The following PCCA variants were observed in gnomAD, a reference collection of about 807,000 sequenced individuals.
The protein encoded by PCCA is propionyl-CoA carboxylase alpha chain, mitochondrial.
Under a neutral mutation model 101.3 loss-of-function variants are expected in PCCA, and 74 were observed. That is an observed-to-expected ratio of 0.73 (90% CI 0.61 to 0.89). The LOEUF (loss-of-function observed/expected upper bound fraction) is 0.89, where lower values mean the gene tolerates loss of function less well. Among genes scored for constraint, PCCA ranks in the 40% least tolerant of loss-of-function variants. PCCA has a pLI of 0.00. For missense variants in PCCA, 891 were observed against 907.0 expected (o/e 0.98, Z 0.23); for synonymous variants, 294 against 313.6 (o/e 0.94, Z 0.66).
chr13:100,392,729 T>C (rs1018426938), intron 19 of PCCA, among the ~76,000 whole-genome samples: 16 of 152,344 alleles, frequency 1.1e-4, no homozygotes, highest in African/African-American at 3.8e-4. Context: ...AGTTACCATG[T>C]TTCCATTGTG....
intron 19 of PCCA, among the ~76,000 whole-genome samples, chr13:100,416,948 A>G (rs979594642): frequency 5.3e-5 from 8 of 151,558 alleles, no homozygotes; most frequent in African/African-American, 2.4e-5. Flanking sequence ...GGTTCAAGCA[A>G]TTCTCCTGCT....
chr13:100,449,054 T>C (rs1380847167), intron 20 of PCCA, among the ~76,000 whole-genome samples, 198 bp from the exon 21 acceptor site: 1 of 152,268 alleles, frequency 6.6e-6, no homozygotes, highest in Non-Finnish European at 1.5e-5. Flanking sequence ...GCATGATCCT[T>C]GGTGACCAAC....
At chr13:100,293,979 G>C (rs886366370) in intron 12 of PCCA, among the ~76,000 whole-genome samples, 1 of 152,102 alleles carries the variant, frequency 6.6e-6, no homozygotes, top group Admixed American at 6.6e-5. Flanking sequence ...GTATTAGTTT[G>C]CTAGGGCTGC....
intron 19 of PCCA, among the ~76,000 whole-genome samples, chr13:100,369,349 G>C (rs879622285): frequency 5.1e-4 from 78 of 152,250 alleles, no homozygotes; most frequent in Non-Finnish European, 7.4e-4. Flanking sequence ...ATTTTTATCA[G>C]AATATTGAAA....
chr13:100,147,227 G>A (rs537579178), intron 4 of PCCA, among the ~76,000 whole-genome samples: 1 of 152,260 alleles, frequency 6.6e-6, no homozygotes, highest in South Asian at 2.1e-4. Flanking sequence ...AACGGGGCAG[G>A]GAATAATGGT....
At position 100,116,855 on chromosome 13, in the gene PCCA, G is replaced by T. The variant is rs904965983; in HGVS notation, c.300+4794G>T. 8.8e-5 allele frequency among the ~76,000 whole-genome samples: 4 copies of T among 45,542 alleles called. No homozygotes were observed. The East Asian group carries it at 8.4e-3, about 96-fold the overall frequency. 29.9% of individuals were successfully genotyped at this position (45,542 alleles called of 152,430 possible). A position where few individuals can be genotyped will look rare whatever the true frequency, so the allele number is the denominator to read the frequency against. On this transcript the variant is annotated intron_variant, in intron 4 of 23. Coordinates refer to ENST00000376285, the MANE Select transcript of PCCA (RefSeq NM_000282.4). ...GTCGCTGTTACATATGCTTCTTTTT[G>T]TTTTGTTTTGTTTTGTTTTAACAAC...
chr13:100,234,913 A>C (rs993981935), intron 7 of PCCA, among the ~76,000 whole-genome samples: 26 of 150,292 alleles, frequency 1.7e-4, no homozygotes, highest in East Asian at 3.9e-4. Context: ...ACACACACAC[A>C]CCCCACACAT....
rs965293674 is a variant in PCCA, at chr13:100,111,178, C to CTTTT, written c.184-640_184-637dup. Among the ~76,000 whole-genome samples, 845 of 98,460 alleles carry CTTTT rather than the reference C, an allele frequency of 8.6e-3. 54 individuals are homozygous for CTTTT. The highest frequency in any genetic ancestry group is 0.014 in the African/African-American group (326 of 23,496). The allele number at this position is 98,460 out of a possible 152,430, so 64.6% of individuals were successfully genotyped here. A position where few individuals can be genotyped will look rare whatever the true frequency, so the allele number is the denominator to read the frequency against. ...AGGCGCGTACCACTAGACCCAGCTC[C>CTTTT]TTTTTTTTTTTTTTTTTTTTTTTTT... On this transcript the variant is annotated intron_variant, in intron 2 of 23. Coordinates refer to ENST00000376285, the MANE Select transcript of PCCA (RefSeq NM_000282.4).
At chr13:100,136,104 GT>G (rs2051128912) in intron 4 of PCCA, among the ~76,000 whole-genome samples, 1 of 150,212 alleles carries the variant, frequency 6.7e-6, no homozygotes, top group African/African-American at 2.4e-5. Context: ...TTTGTGTACT[GT>G]CTTTGGTATT....
At chr13:100,423,007 T>C (rs1290075377) in intron 19 of PCCA, among the ~76,000 whole-genome samples, 1 of 136,920 alleles carries the variant, frequency 7.3e-6, no homozygotes, top group Non-Finnish European at 1.5e-5. Flanking sequence ...TTTCTCTGAG[T>C]TTTTTTTTTT....
chr13:100,391,023 C>CT (rs796230963), intron 19 of PCCA, among the ~76,000 whole-genome samples: 4,320 of 144,520 alleles, frequency 0.03, 181 homozygotes, highest in African/African-American at 0.1. Flanking sequence ...GGCCTCTGTG[C>CT]TTTTTTTTTT....
At chr13:100,115,898 A>C (rs9585350) in intron 4 of PCCA, among the ~76,000 whole-genome samples, 5,457 of 152,240 alleles carry the variant, frequency 0.036, 327 homozygotes, top group African/African-American at 0.13. Flanking sequence ...GCAATTGCAC[A>C]CTCAGTCAAA....
intron 21 of PCCA, among the ~76,000 whole-genome samples, chr13:100,452,311 C>A (rs1487463277): frequency 6.6e-6 from 1 of 151,978 alleles, no homozygotes; most frequent in African/African-American, 2.4e-5. Flanking sequence ...TGCCTTTAGC[C>A]ATCTCTTGTT....
intron 8 of PCCA, chr13:100,237,297 A>T (rs2060856760): frequency 6.6e-6 from 1 of 152,216 alleles, no homozygotes; most frequent in African/African-American, 2.4e-5. Flanking sequence ...CCCATCATTA[A>T]GTGTGTTTTG....
intron 6 of PCCA, among the ~76,000 whole-genome samples, chr13:100,182,985 C>T (rs2152433371): frequency 6.6e-6 from 1 of 152,248 alleles, no homozygotes; most frequent in African/African-American, 2.4e-5. Context: ...TCTTAAACCA[C>T]ATAATTATGG....
Position 100,493,466 on chromosome 13 carries a change from G to A in PCCA, c.1900-21961G>A, listed in dbSNP as rs9557438. On this transcript the variant is annotated intron_variant, in intron 21 of 23. Transcript: ENST00000376285. The stretch of plus-strand genomic sequence containing the variant: ...GCTTCTCCTGGGGCTTTCAGAGTAC[G>A]TCCGAGCTCCACACCAAGAAGAGAG... 4.9e-3 allele frequency among the ~76,000 whole-genome samples: 659 copies of A among 134,006 alleles called. 31 individuals are homozygous for A. The East Asian group carries it at 0.11, about 22-fold the overall frequency. The allele number at this position is 134,006 out of a possible 152,430, so 87.9% of individuals were successfully genotyped here.
At chr13:100,456,395 C>A (rs1244250191) in intron 21 of PCCA, among the ~76,000 whole-genome samples, 1 of 152,078 alleles carries the variant, frequency 6.6e-6, no homozygotes, top group Non-Finnish European at 1.5e-5. Flanking sequence ...TGGGGCTTAG[C>A]GGGTGTTCTC....
chr13:100,330,763 C>A (rs1369176319), intron 17 of PCCA, 92 bp downstream of exon 17: 7 of 776,896 alleles, frequency 9.0e-6, no homozygotes, highest in Non-Finnish European at 1.5e-5. Flanking sequence ...GAAATTAAGG[C>A]CTTTTGGCTT....
chr13:100,491,450 C>T (rs12430531), intron 21 of PCCA: 64,963 of 262,200 alleles, frequency 0.25, 9,715 homozygotes, highest in East Asian at 0.54. Flanking sequence ...CAGACCCAAA[C>T]TTTGTTTGTA....
Sources: gnomAD v4.1 joint callset for allele counts (sites outside exome capture counted in the v4.1 genomes callset) on GRCh38, gnomAD v4.1.1 for gene constraint, MANE v1.5 for transcripts, NCBI Gene and HGNC (gene_info 2026-07-23, HGNC 2026-07-21) for gene names.